The following GDAP1 variants were observed in gnomAD, a reference collection of about 807,000 sequenced individuals.
The protein encoded by GDAP1 is ganglioside-induced differentiation-associated protein 1.
Under a neutral mutation model 40.1 loss-of-function variants are expected in GDAP1, and 34 were observed. The observed-to-expected ratio is 0.85, with a 90% CI of 0.64 to 1.13. The LOEUF (loss-of-function observed/expected upper bound fraction) is 1.13. Among genes scored for constraint, GDAP1 ranks in the 50% most tolerant of loss-of-function variants. The pLI, the probability that GDAP1 is intolerant of heterozygous loss-of-function variation, is 0.00. For synonymous variants in GDAP1, 170 were observed against 157.4 expected (o/e 1.08, Z -0.60); for missense variants, 374 against 433.7 (o/e 0.86, Z 1.22).
chr8:74,473,710 C>G (rs937853902), intron 2 of GDAP1, among the ~76,000 whole-genome samples: 23 of 152,066 alleles, frequency 1.5e-4, no homozygotes, highest in African/African-American at 5.1e-4. Flanking sequence ...TACTGTAGTC[C>G]TGTAGTACAG....
intron 2 of GDAP1, among the ~76,000 whole-genome samples, chr8:74,403,989 A>G (rs536072476): frequency 1.4e-4 from 21 of 150,162 alleles, no homozygotes; most frequent in Non-Finnish European, 2.9e-4. Context: ...ATAGGATAGT[A>G]TTTTGAGTTT....
intron 2 of GDAP1, among the ~76,000 whole-genome samples, chr8:74,425,374 G>T (rs1244504358): frequency 6.6e-6 from 1 of 152,146 alleles, no homozygotes; most frequent in Non-Finnish European, 1.5e-5. Flanking sequence ...CATTTAGCTG[G>T]GGTGGGATTT....
intron 2 of GDAP1, among the ~76,000 whole-genome samples, chr8:74,407,205 G>T (rs1049297302): frequency 1.3e-5 from 2 of 149,912 alleles, no homozygotes; most frequent in Admixed American, 1.3e-4. Context: ...GCTCAGACAG[G>T]AGGACTTCTT....
intron 2 of GDAP1, among the ~76,000 whole-genome samples, chr8:74,476,209 C>T (rs2128721129): frequency 6.6e-6 from 1 of 152,254 alleles, no homozygotes; most frequent in Non-Finnish European, 1.5e-5. Flanking sequence ...TTGAAGACAA[C>T]ATACGATTGG....
intron 5 of GDAP1, among the ~76,000 whole-genome samples, chr8:74,363,759 G>A (rs948091057): frequency 6.6e-6 from 1 of 152,196 alleles, no homozygotes; most frequent in Admixed American, 6.5e-5. Flanking sequence ...CTGGATGGCT[G>A]ACAGACGTCA....
chr8:74,435,643 A>G (rs1459402653), intron 2 of GDAP1, among the ~76,000 whole-genome samples: 1 of 152,210 alleles, frequency 6.6e-6, no homozygotes, highest in Non-Finnish European at 1.5e-5. Flanking sequence ...CAGCTTTCAG[A>G]TCAAAGAGTA....
intron 2 of GDAP1, among the ~76,000 whole-genome samples, chr8:74,445,470 A>T (rs1806216257): frequency 6.6e-6 from 1 of 152,200 alleles, no homozygotes; most frequent in Admixed American, 6.6e-5. Context: ...TAAACTTAAC[A>T]TATTTAGCCT....
At chr8:74,403,282 A>T (rs1474312056) in intron 2 of GDAP1, among the ~76,000 whole-genome samples, 5 of 150,292 alleles carry the variant, frequency 3.3e-5, no homozygotes, top group East Asian at 3.9e-4. Flanking sequence ...TACCAATTTC[A>T]TTACAGTATT....
At chr8:74,446,156 G>A (rs1320911322) in intron 2 of GDAP1, among the ~76,000 whole-genome samples, 1 of 152,130 alleles carries the variant, frequency 6.6e-6, no homozygotes, top group South Asian at 2.1e-4. Flanking sequence ...CCAAGTTGTG[G>A]ATTAAGGGAG....
In GDAP1 at chr8:74,365,085, G is replaced by C; in HGVS notation, c.*718G>C. ...GGTCATGTCCAGTCAGTGGGAGGTA[G>C]AAAGGGTGGCATCTGTAGCCCTCTT... is the stretch of plus-strand genomic sequence containing the variant. On this transcript the variant is annotated 3_prime_UTR_variant, in exon 6 of 6. Transcript: ENST00000220822. The C allele has an allele frequency of 2.2e-6, 1 of 454,050 alleles. No individual in the cohort carries two copies. The highest frequency in any genetic ancestry group is 1.6e-5 in the South Asian group (1 of 64,472). 28.1% of individuals were successfully genotyped at this position (454,050 alleles called of 1,614,324 possible).
chr8:74,408,666 A>G lies in GDAP1; in HGVS notation c.165+57345A>G, dbSNP rs1039500982. ...CTGTTGTTTATAAGCGACTCAGTCT[A>G]TGGTATTTTTGTAGCAGCCCAAATG... On this transcript the variant is annotated intron_variant, in intron 2 of 2. Coordinates refer to the GDAP1 transcript ENST00000523640. 4.7e-5 allele frequency among the ~76,000 whole-genome samples: 7 copies of G among 150,042 alleles called. 2 individuals are homozygous for G. The highest frequency in any genetic ancestry group is 1.5e-4 in the African/African-American group (6 of 39,344).
intron 3 of GDAP1, among the ~76,000 whole-genome samples, chr8:74,361,251 A>G (rs1809347292): frequency 6.6e-6 from 1 of 152,084 alleles, no homozygotes; most frequent in African/African-American, 2.4e-5. Context: ...TCCTCCCTTC[A>G]TATAGGAGTT....
intron 2 of GDAP1, among the ~76,000 whole-genome samples, chr8:74,431,060 ATTTC>A (rs895874353): frequency 4.8e-5 from 7 of 146,686 alleles, no homozygotes; most frequent in African/African-American, 1.0e-4. Flanking sequence ...ATATTTCCAC[ATTTC>A]TTTCTTTCTT....
chr8:74,362,688 C>T (rs1277301892), intron 4 of GDAP1, among the ~76,000 whole-genome samples: 2 of 151,564 alleles, frequency 1.3e-5, no homozygotes. Flanking sequence ...CTTCTGTGGT[C>T]ATCTGGCCTC....
At position 74,453,841 on chromosome 8, in the gene GDAP1, C is replaced by A. The variant is rs1187243017; in HGVS notation, c.166-34837C>A. On this transcript the variant is annotated intron_variant, in intron 2 of 2. Coordinates refer to the GDAP1 transcript ENST00000523640. ...GTGCCCAGTAACAACTTTACCCCTGCAGCTCAACTAAGATGTTAACTGAGA... is the reference window on the plus strand; with the variant it reads ...GTGCCCAGTAACAACTTTACCCCTGAAGCTCAACTAAGATGTTAACTGAGA... Among the ~76,000 whole-genome samples, 6 of 81,326 alleles carry A rather than the reference C, an allele frequency of 7.4e-5. 2 individuals carry two copies. The highest frequency in any genetic ancestry group is 3.3e-4 in the African/African-American group (6 of 18,364). 53.4% of individuals were successfully genotyped at this position (81,326 alleles called of 152,430 possible).
At chr8:74,466,215 G>A (rs942613063) in intron 2 of GDAP1, among the ~76,000 whole-genome samples, 1 of 152,206 alleles carries the variant, frequency 6.6e-6, no homozygotes, top group African/African-American at 2.4e-5. Flanking sequence ...AGGATATTGA[G>A]TATCTCTGGA....
At chr8:74,407,401 G>A (rs1406810333) in intron 2 of GDAP1, among the ~76,000 whole-genome samples, 3 of 149,976 alleles carry the variant, frequency 2.0e-5, no homozygotes, top group Admixed American at 2.0e-4. Context: ...ATCTGCGTGG[G>A]TACCATCTAA....
intron 2 of GDAP1, among the ~76,000 whole-genome samples, chr8:74,437,507 A>G (rs932742419): frequency 6.6e-6 from 1 of 152,140 alleles, no homozygotes; most frequent in South Asian, 2.1e-4. Context: ...AGTGAAATAA[A>G]TCCTTACAGG....
intron 2 of GDAP1, among the ~76,000 whole-genome samples, chr8:74,465,460 A>G (rs1586843122): frequency 6.6e-6 from 1 of 152,034 alleles, no homozygotes. Context: ...ACTGCCCCAC[A>G]GAGTTCAAGC....
Sources: gnomAD v4.1 joint callset for allele counts (sites outside exome capture counted in the v4.1 genomes callset) on GRCh38, gnomAD v4.1.1 for gene constraint, MANE v1.5 for transcripts, NCBI Gene and HGNC (gene_info 2026-07-23, HGNC 2026-07-21) for gene names.